MFSD6: variants seen among roughly 807,000 people sequenced by gnomAD.
MFSD6 encodes the protein major facilitator superfamily domain-containing protein 6.
Under a neutral mutation model 56.3 loss-of-function variants are expected in MFSD6, and 26 were observed. The ratio of observed to expected loss-of-function variants is 0.46; its 90% CI spans 0.34 to 0.64. The LOEUF is 0.64. Among genes scored for constraint, MFSD6 ranks in the 30% least tolerant of loss-of-function variants. The probability of loss-of-function intolerance (pLI) is 0.01; values close to 1 mark genes in which losing one functional copy is unlikely to be tolerated. For synonymous variants in MFSD6, 331 were observed against 366.9 expected (o/e 0.90, Z 1.12); for missense variants, 750 against 986.2 (o/e 0.76, Z 3.21).
At chr2:190,474,016 A>G (rs1420677797) in intron 4 of MFSD6, among the ~76,000 whole-genome samples, 2 of 152,216 alleles carry the variant, frequency 1.3e-5, no homozygotes, top group Non-Finnish European at 2.9e-5. Flanking sequence ...TTTGAAACCA[A>G]CGAGAACAAA....
At chr2:190,430,908 T>TCCCGGGC (rs1685965407) in intron 2 of MFSD6, among the ~76,000 whole-genome samples, 1 of 94,858 alleles carries the variant, frequency 1.1e-5, no homozygotes. Flanking sequence ...ACTTCCCAGA[T>TCCCGGGC]GGGGTGGCTG....
In MFSD6 at chr2:190,413,673, G is replaced by A. The variant is rs1450571359; in HGVS notation, c.-175-1619G>A. 6.6e-6 allele frequency among the ~76,000 whole-genome samples: 1 copy of A among 152,174 alleles called. No homozygotes were observed. Among genetic ancestry groups the A allele is most frequent in the Non-Finnish European group, 1.5e-5 (1 of 68,038 alleles). On this transcript the variant is annotated intron_variant, in intron 1 of 7. Coordinates refer to ENST00000392328, the MANE Select transcript of MFSD6 (RefSeq NM_017694.4). This position sits in a 1 kb window ranked among gnomAD's most constrained non-coding sequence, Gnocchi z 4.1. ...CAAGCCCGATGTGTGGGTTAACCGT[G>A]CCAAAGGAAAGTGAGTGGCGAGCCT...
At chr2:190,427,614 CAG>C (rs2125019056) in intron 2 of MFSD6, among the ~76,000 whole-genome samples, 1 of 152,218 alleles carries the variant, frequency 6.6e-6, no homozygotes, top group African/African-American at 2.4e-5. Flanking sequence ...GTCTATCTTT[CAG>C]AGTCTTCTAT....
intron 2 of MFSD6, among the ~76,000 whole-genome samples, chr2:190,420,626 TC>T (rs1413675378): frequency 1.7e-4 from 26 of 152,240 alleles, no homozygotes; most frequent in Non-Finnish European, 3.7e-4. Context: ...GTTTTGTCAT[TC>T]CTTAAGACAA....
chr2:190,449,952 C>A, intron 3 of MFSD6, among the ~76,000 whole-genome samples: 1 of 151,932 alleles, frequency 6.6e-6, no homozygotes, highest in East Asian at 1.9e-4. Context: ...CAGCATGGCA[C>A]ATGTATACAT....
At position 190,438,287 on chromosome 2, in the gene MFSD6, A is replaced by G. The variant is rs1686247921; in HGVS notation, c.1532+726A>G. ...TCCCAGCACTTTGAGAGGCCGAGGC[A>G]GGTGGATCACTTGAGGTCAGGAGTT... On this transcript the variant is annotated intron_variant, in intron 3 of 7. Coordinates refer to ENST00000392328, the MANE Select transcript of MFSD6 (RefSeq NM_017694.4). The surrounding 1 kb of genome is among the most constrained non-coding windows in gnomAD (Gnocchi z 5.2). 6.6e-6 allele frequency among the ~76,000 whole-genome samples: 1 copy of G among 152,084 alleles called. No individual in the cohort carries two copies. The highest frequency in any genetic ancestry group is 2.1e-4 in the South Asian group (1 of 4,828).
Position 190,492,438 on chromosome 2 carries a change from CA to C in MFSD6, c.1891+2573del, listed in dbSNP as rs1689412660. Among the ~76,000 whole-genome samples, 1 of 152,190 alleles carries C rather than the reference CA, an allele frequency of 6.6e-6. No individual in the cohort carries two copies. Among genetic ancestry groups the C allele is most frequent in the South Asian group, 2.1e-4 (1 of 4,828 alleles). On this transcript the variant is annotated intron_variant, in intron 6 of 7. Transcript: ENST00000392328. This position sits in a 1 kb window ranked among gnomAD's most constrained non-coding sequence, Gnocchi z 5.2. The stretch of plus-strand genomic sequence containing the variant: ...TATAAAGGAAAACCTCTCAGATTAA[CA>C]GCAGATTTCTCAGCAGAAACCCTAC...
chr2:190,411,948 T>G, intron 1 of MFSD6: 2 of 985,438 alleles, frequency 2.0e-6, no homozygotes, highest in Non-Finnish European at 2.4e-6. Context: ...TACAGAACAA[T>G]CTGGTAGAAG....
Position 190,459,886 on chromosome 2 carries a change from T to G in MFSD6, c.1533-9872T>G, listed in dbSNP as rs1400141501. Among the ~76,000 whole-genome samples, 7 of 152,252 alleles carry G rather than the reference T, an allele frequency of 4.6e-5. No homozygotes were observed. Among genetic ancestry groups the G allele is most frequent in the Non-Finnish European group, 8.8e-5 (6 of 68,048 alleles). On this transcript the variant is annotated intron_variant, in intron 3 of 7. Transcript: ENST00000392328. This position sits in a 1 kb window ranked among gnomAD's most constrained non-coding sequence, Gnocchi z 5.3. ...AGTAGCTGCAGAAAATATACACAGCTAAATATTATTTCTAATTCACTCTCT... is the reference window on the plus strand; with the variant it reads ...AGTAGCTGCAGAAAATATACACAGCGAAATATTATTTCTAATTCACTCTCT...
At chr2:190,477,684 A>T (rs114225540) in intron 4 of MFSD6, among the ~76,000 whole-genome samples, 1 of 152,388 alleles carries the variant, frequency 6.6e-6, no homozygotes, top group East Asian at 1.9e-4. Flanking sequence ...ATATTAACTC[A>T]GGCCACAAGG....
intron 2 of MFSD6, among the ~76,000 whole-genome samples, chr2:190,422,593 T>C (rs1685661414): frequency 6.6e-6 from 1 of 152,212 alleles, no homozygotes; most frequent in Admixed American, 6.5e-5. Context: ...TTCCTGATGC[T>C]TATTATGTGA....
intron 4 of MFSD6, among the ~76,000 whole-genome samples, chr2:190,486,243 T>A (rs1284781622): frequency 6.6e-6 from 1 of 152,254 alleles, no homozygotes; most frequent in Non-Finnish European, 1.5e-5. Context: ...TGGGAAGAAG[T>A]GTTCCCCGCC....
At chr2:190,409,830 G>T (rs999027921) in intron 1 of MFSD6, among the ~76,000 whole-genome samples, 6 of 152,146 alleles carry the variant, frequency 3.9e-5, no homozygotes, top group African/African-American at 1.2e-4. Context: ...AGAGGTGCAG[G>T]ATATGGTCAG....
At chr2:190,409,563 A>G (rs1380513449) in intron 1 of MFSD6, among the ~76,000 whole-genome samples, 1 of 152,178 alleles carries the variant, frequency 6.6e-6, no homozygotes, top group Non-Finnish European at 1.5e-5. Flanking sequence ...ATAGTGGCCA[A>G]AATTTCCCCT....
Position 190,471,641 on chromosome 2 carries a change from T to C in MFSD6, c.1630+1786T>C, listed in dbSNP as rs1209832818. On this transcript the variant is annotated intron_variant, in intron 4 of 7. Coordinates refer to ENST00000392328, the MANE Select transcript of MFSD6 (RefSeq NM_017694.4). This position sits in a 1 kb window ranked among gnomAD's most constrained non-coding sequence, Gnocchi z 4.7. ...CCACCACAGCTCAAGGAGGCCTGCC[T>C]GCCTCAGTAAACTCCACCTCTGGGG... Among the ~76,000 whole-genome samples, 2 of 152,172 alleles carry C rather than the reference T, an allele frequency of 1.3e-5. No homozygotes were observed. Among genetic ancestry groups the C allele is most frequent in the Non-Finnish European group, 2.9e-5 (2 of 68,014 alleles).
chr2:190,459,488 G>A lies in MFSD6; in HGVS notation c.1533-10270G>A, dbSNP rs1159379501. Among the ~76,000 whole-genome samples the A allele has an allele frequency of 1.3e-5, 2 of 152,000 alleles. No homozygotes were observed. The highest frequency in any genetic ancestry group is 2.9e-5 in the Non-Finnish European group (2 of 67,972). On this transcript the variant is annotated intron_variant, in intron 3 of 7. Transcript: ENST00000392328. This position sits in a 1 kb window ranked among gnomAD's most constrained non-coding sequence, Gnocchi z 5.3. The stretch of plus-strand genomic sequence containing the variant: ...ACAAAATTGTAGGGGGTGTGTGTGT[G>A]AATATGTTCAGTCATTTGACTAAAC...
In MFSD6 at chr2:190,417,459, C is replaced by T. The variant is rs573966268; in HGVS notation, c.-54+2046C>T. ...ATAAGGTGTTGTGATTGTGTGTGCC[C>T]CCGTCTTCTTCTCGCCTCTGGGTGT... is the stretch of plus-strand genomic sequence containing the variant. On this transcript the variant is annotated intron_variant, in intron 2 of 7. Coordinates refer to ENST00000392328, the MANE Select transcript of MFSD6 (RefSeq NM_017694.4). The surrounding 1 kb of genome is among the most constrained non-coding windows in gnomAD (Gnocchi z 5.7). 4.6e-5 allele frequency among the ~76,000 whole-genome samples: 7 copies of T among 152,244 alleles called. No individual in the cohort carries two copies. In the East Asian group the frequency reaches 1.2e-3, roughly 25 times the overall value.
Position 190,490,425 on chromosome 2 carries a change from CGGT to C in MFSD6, c.1891+565_1891+567del, listed in dbSNP as rs1689274466. ...AAAAATATAAAAAATTAGCCGGGCA[CGGT>C]GGTGGGCGCCTGTAATCCCAGCTAC... is the stretch of plus-strand genomic sequence containing the variant. On this transcript the variant is annotated intron_variant, in intron 6 of 7. Coordinates refer to ENST00000392328, the MANE Select transcript of MFSD6 (RefSeq NM_017694.4). The surrounding 1 kb of genome is among the most constrained non-coding windows in gnomAD (Gnocchi z 4.5). 6.6e-6 allele frequency among the ~76,000 whole-genome samples: 1 copy of C among 151,734 alleles called. No homozygotes were observed. Among genetic ancestry groups the C allele is most frequent in the South Asian group, 2.1e-4 (1 of 4,808 alleles).
rs1685723061 is a variant in MFSD6 at position 190,424,289 on chromosome 2, A to AT, written c.-54+8880dup. Among the ~76,000 whole-genome samples, 1 of 148,232 alleles carries AT rather than the reference A, an allele frequency of 6.7e-6. No individual in the cohort carries two copies. The highest frequency in any genetic ancestry group is 2.0e-4 in the East Asian group (1 of 5,056). On this transcript the variant is annotated intron_variant, in intron 2 of 7. Transcript: ENST00000392328. The surrounding 1 kb of genome is among the most constrained non-coding windows in gnomAD (Gnocchi z 5.9). ...TTTCAAATTGTATAGTTAATGATCCATTTTGAGTTAATATTTGTATAAGGT... is the reference window on the plus strand; with the variant it reads ...TTTCAAATTGTATAGTTAATGATCCATTTTTGAGTTAATATTTGTATAAGGT...
Sources: gnomAD v4.1 joint callset for allele counts (sites outside exome capture counted in the v4.1 genomes callset) on GRCh38, gnomAD v4.1.1 for gene constraint, Gnocchi (gnomAD v3.1) non-coding constraint, MANE v1.5 for transcripts, NCBI Gene and HGNC (gene_info 2026-07-23, HGNC 2026-07-21) for gene names.